IL1RAPL1: variants seen among roughly 807,000 people sequenced by gnomAD.
IL1RAPL1 encodes the protein interleukin 1 receptor accessory protein like 1.
IL1RAPL1 carries 3 observed loss-of-function variants against 48.4 expected under a neutral mutation model. The observed-to-expected ratio is 0.06, with a 90% confidence interval of 0.03 to 0.16. The LOEUF (loss-of-function observed/expected upper bound fraction) is 0.16. Ranked by LOEUF, IL1RAPL1 falls within the 10% of genes least tolerant of loss-of-function variation. The pLI, the probability that IL1RAPL1 is intolerant of heterozygous loss-of-function variation, is 1.00. For missense variants in IL1RAPL1, 349 were observed against 530.6 expected (o/e 0.66, Z 3.36); for synonymous variants, 185 against 187.7 (o/e 0.99, Z 0.12).
At position 28,620,088 on chromosome X, in the gene IL1RAPL1, A is replaced by C. The variant is rs193262178; in HGVS notation, c.-25+32041A>C. Among the ~76,000 whole-genome samples, 506 of 110,775 alleles carry C rather than the reference A, an allele frequency of 4.6e-3. 5 individuals carry two copies. The highest frequency in any genetic ancestry group is 0.016 in the African/African-American group (486 of 30,511). Reference sequence around the variant, plus strand: ...GAAGTCCTGCAGTTTAAAAAAAAAAACACTAAAGTGTTTTAACCCAGGATT... The same window carrying C: ...GAAGTCCTGCAGTTTAAAAAAAAAACCACTAAAGTGTTTTAACCCAGGATT... On this transcript the variant is annotated intron_variant, in intron 1 of 10. Transcript: ENST00000378993.
intron 6 of IL1RAPL1, among the ~76,000 whole-genome samples, chrX:29,678,342 CTTTTTTTTTTTTTTTTTTT>C (rs140827802): frequency 1.2e-4 from 5 of 41,708 alleles, no homozygotes; most frequent in African/African-American, 5.2e-4. Flanking sequence ...TTCAACACTA[CTTTTTTTTTTTTTTTTTTT>C]TTTTTTTTTT....
intron 3 of IL1RAPL1, among the ~76,000 whole-genome samples, chrX:29,393,006 G>T (rs192599718): frequency 2.6e-3 from 288 of 112,141 alleles, no homozygotes; most frequent in African/African-American, 8.9e-3. Flanking sequence ...CTTACTGAGT[G>T]TTCTAAGCTC....
chrX:29,291,457 CA>C (rs753879440), intron 3 of IL1RAPL1, among the ~76,000 whole-genome samples: 12 of 110,690 alleles, frequency 1.1e-4, no homozygotes, highest in Admixed American at 3.8e-4. Context: ...GTAGAACGTG[CA>C]GGTTTGTTAC....
chrX:28,805,037 C>G (rs5943462), intron 2 of IL1RAPL1, among the ~76,000 whole-genome samples: 2,761 of 110,369 alleles, frequency 0.025, 47 homozygotes, highest in Non-Finnish European at 0.042. Flanking sequence ...AAGTCAGGAA[C>G]CATTGAAGAA....
chrX:29,812,216 A>G (rs372337435), intron 6 of IL1RAPL1, among the ~76,000 whole-genome samples: 2 of 112,453 alleles, frequency 1.8e-5, no homozygotes, highest in African/African-American at 6.4e-5. Context: ...ATAATTTCAT[A>G]AAGATTCGAA....
intron 2 of IL1RAPL1, among the ~76,000 whole-genome samples, chrX:29,180,961 T>C (rs753512205): frequency 1.8e-5 from 2 of 112,009 alleles, no homozygotes; most frequent in African/African-American, 3.2e-5. Context: ...TGGTGAGAGT[T>C]GAATTGATTC....
chrX:29,949,429 T>G (rs1016312947), intron 9 of IL1RAPL1, among the ~76,000 whole-genome samples: 2 of 111,889 alleles, frequency 1.8e-5, no homozygotes, highest in African/African-American at 6.5e-5. Context: ...GTGGAGCATA[T>G]CTGCCGGGGT....
intron 2 of IL1RAPL1, among the ~76,000 whole-genome samples, chrX:28,883,715 G>A (rs1047481923): frequency 5.4e-5 from 6 of 111,797 alleles, no homozygotes; most frequent in Non-Finnish European, 1.1e-4. Flanking sequence ...GTGTATTTTA[G>A]CATATAAAAA....
At chrX:29,555,140 C>G (rs1921951181) in intron 5 of IL1RAPL1, among the ~76,000 whole-genome samples, 1 of 112,270 alleles carries the variant, frequency 8.9e-6, no homozygotes, top group Non-Finnish European at 1.9e-5. Context: ...TGCCAGGCCT[C>G]TAAATATAAT....
chrX:29,496,560 G>T (rs1430783853), intron 5 of IL1RAPL1, among the ~76,000 whole-genome samples: 2 of 106,299 alleles, frequency 1.9e-5, no homozygotes, highest in African/African-American at 6.9e-5. Flanking sequence ...TCCCCAGAAG[G>T]TGAGCAGATG....
intron 6 of IL1RAPL1, among the ~76,000 whole-genome samples, chrX:29,830,217 T>C (rs1930840944): frequency 9.0e-6 from 1 of 111,662 alleles, no homozygotes; most frequent in Non-Finnish European, 1.9e-5. Context: ...ACTAGAATAG[T>C]TGGCACATTT....
intron 1 of IL1RAPL1, among the ~76,000 whole-genome samples, chrX:28,739,922 A>T (rs1490005279): frequency 2.7e-5 from 3 of 110,597 alleles, no homozygotes; most frequent in Admixed American, 9.7e-5. Flanking sequence ...CTATATTTTA[A>T]TTATTAATTT....
intron 9 of IL1RAPL1, among the ~76,000 whole-genome samples, chrX:29,948,088 T>C (rs958423630): frequency 1.5e-4 from 17 of 111,424 alleles, no homozygotes; most frequent in Admixed American, 7.7e-4. Context: ...TGCTATATGA[T>C]GGGGTCTCAT....
At chrX:29,648,149 G>T (rs1925395181) in intron 5 of IL1RAPL1, among the ~76,000 whole-genome samples, 1 of 111,529 alleles carries the variant, frequency 9.0e-6, no homozygotes, top group African/African-American at 3.3e-5. Flanking sequence ...AATATACAAA[G>T]AAAATAGTAA....
intron 2 of IL1RAPL1, among the ~76,000 whole-genome samples, chrX:29,264,168 C>CT (rs1215294899): frequency 9.0e-6 from 1 of 111,486 alleles, no homozygotes; most frequent in East Asian, 2.8e-4. Flanking sequence ...GTATTTTATG[C>CT]TATTTTGTGT....
intron 5 of IL1RAPL1, among the ~76,000 whole-genome samples, chrX:29,486,918 T>C (rs144497610): frequency 9.0e-6 from 1 of 111,728 alleles, no homozygotes; most frequent in East Asian, 2.8e-4. Context: ...GGGGATCTTG[T>C]TAAACAATAC....
chrX:28,632,167 C>T (rs145584541), intron 1 of IL1RAPL1, among the ~76,000 whole-genome samples: 7,332 of 111,356 alleles, frequency 0.066, 283 homozygotes, highest in Non-Finnish European at 0.1. Flanking sequence ...AGTCTAGAAA[C>T]CCACAATCAA....
chrX:29,529,582 A>G (rs1339334187), intron 5 of IL1RAPL1, among the ~76,000 whole-genome samples: 8 of 87,536 alleles, frequency 9.1e-5, no homozygotes, highest in Non-Finnish European at 1.8e-4. Context: ...AGCCTGGGAG[A>G]CAGAGTGCCT....
At chrX:28,737,167 TTCCTTC>T in intron 1 of IL1RAPL1, among the ~76,000 whole-genome samples, 1 of 76,622 alleles carries the variant, frequency 1.3e-5, no homozygotes, top group South Asian at 6.9e-4. Context: ...CCTTCCTTCC[TTCCTTC>T]CTTCCTTTCT....
Sources: gnomAD v4.1 joint callset for allele counts (sites outside exome capture counted in the v4.1 genomes callset) on GRCh38, gnomAD v4.1.1 for gene constraint, MANE v1.5 for transcripts, NCBI Gene and HGNC (gene_info 2026-07-23, HGNC 2026-07-21) for gene names.